SLC44A5: variants seen among roughly 807,000 people sequenced by gnomAD.
SLC44A5 encodes solute carrier family 44 member 5, also known as choline transporter-like protein 5.
In SLC44A5, 57 loss-of-function variants were observed where a neutral mutation model predicts 101.8. The ratio of observed to expected loss-of-function variants is 0.56; its 90% CI spans 0.45 to 0.70. The LOEUF (loss-of-function observed/expected upper bound fraction) is 0.70, where lower values mean the gene tolerates loss of function less well. Among genes scored for constraint, SLC44A5 ranks in the 30% least tolerant of loss-of-function variants. The pLI is 0.00. For missense variants in SLC44A5, 737 were observed against 853.1 expected, an observed-to-expected ratio of 0.86 and a Z score of 1.70; for synonymous variants, 281 against 290.9, an observed-to-expected ratio of 0.97 and a Z score of 0.35.
intron 2 of SLC44A5, among the ~76,000 whole-genome samples, chr1:75,441,192 C>T (rs150033572): frequency 5.9e-5 from 9 of 152,114 alleles, no homozygotes; most frequent in Admixed American, 2.6e-4. Context: ...ACTTTCAAAC[C>T]AGTAGAGCAA....
chr1:75,287,081 T>A (rs1146457), intron 5 of SLC44A5, among the ~76,000 whole-genome samples: 1 of 151,906 alleles, frequency 6.6e-6, no homozygotes, highest in Non-Finnish European at 1.5e-5. Flanking sequence ...CACAAATTAT[T>A]CTTAAATTTG....
chr1:75,259,711 C>T (rs903210879), intron 6 of SLC44A5, among the ~76,000 whole-genome samples: 2 of 151,904 alleles, frequency 1.3e-5, no homozygotes, highest in African/African-American at 4.8e-5. Context: ...GAAGAGCAAC[C>T]ACAAGACACA....
chr1:75,429,710 GA>G (rs1258637056), intron 2 of SLC44A5, among the ~76,000 whole-genome samples: 1 of 152,152 alleles, frequency 6.6e-6, no homozygotes, highest in African/African-American at 2.4e-5. Context: ...TGGCAAGAGA[GA>G]GTGAGAGATC....
chr1:75,579,216 C>T (rs1334682659), intron 1 of SLC44A5, among the ~76,000 whole-genome samples: 1 of 152,156 alleles, frequency 6.6e-6, no homozygotes, highest in African/African-American at 2.4e-5. Context: ...TGGATGACTA[C>T]TGAAGGCATT....
chr1:75,628,921 G>C, the SLC44A5 span, among the ~76,000 whole-genome samples: 1 of 152,080 alleles, frequency 6.6e-6, no homozygotes. Flanking sequence ...ATTTTGCAAG[G>C]GGGGAAAAGT....
intron 1 of SLC44A5, among the ~76,000 whole-genome samples, chr1:75,551,976 T>C (rs1671961706): frequency 6.6e-6 from 1 of 152,184 alleles, no homozygotes; most frequent in Non-Finnish European, 1.5e-5. Context: ...TTCCTTTCTC[T>C]GAAAAATTTC....
the SLC44A5 span, chr1:75,677,855 T>C: frequency 1.1e-5 from 4 of 366,674 alleles, no homozygotes; most frequent in Non-Finnish European, 2.1e-5. Flanking sequence ...AGGTACCGGG[T>C]TCATCTCACT....
At chr1:75,596,048 C>A (rs1016699872) in intron 1 of SLC44A5, among the ~76,000 whole-genome samples, 4 of 152,106 alleles carry the variant, frequency 2.6e-5, no homozygotes, top group Non-Finnish European at 4.4e-5. Context: ...CAGCTAATAT[C>A]AAATCTTCTA....
At chr1:75,235,402 G>A (rs1170234161) in intron 11 of SLC44A5, among the ~76,000 whole-genome samples, 1 of 151,978 alleles carries the variant, frequency 6.6e-6, no homozygotes, top group Admixed American at 6.6e-5. Flanking sequence ...TTTTGGGGGT[G>A]AGGTAGGCAG....
In SLC44A5 at chr1:75,229,866, C is replaced by T. The variant is rs189238344; in HGVS notation, c.854-2009G>A. On this transcript the variant is annotated intron_variant, in intron 12 of 23. Transcript: ENST00000370859. ...AGATGTGGATTTCTCTTCCTTTACT[C>T]TCCTTAGTATAATGAGGGCTTCCTA... is the stretch of plus-strand genomic sequence containing the variant. Among the ~76,000 whole-genome samples the T allele has an allele frequency of 1.2e-3, 185 of 152,278 alleles. 1 individual carries two copies. Among genetic ancestry groups the T allele is most frequent in the Admixed American group, 0.012 (184 of 15,286 alleles).
chr1:75,594,066 T>A, intron 1 of SLC44A5, among the ~76,000 whole-genome samples: 1 of 152,004 alleles, frequency 6.6e-6, no homozygotes, highest in Non-Finnish European at 1.5e-5. Context: ...TGTGCTTATT[T>A]CACATTGCAT....
chr1:75,213,637 G>T, intron 22 of SLC44A5, 68 bp downstream of exon 22: 2 of 1,153,198 alleles, frequency 1.7e-6, no homozygotes, highest in Admixed American at 1.9e-5. Flanking sequence ...AATTTCTGTT[G>T]TTTAAGTCAT....
intron 2 of SLC44A5, among the ~76,000 whole-genome samples, chr1:75,444,483 G>GAAGAAAGAAAGAAATAAAGAAAGAAAGA: frequency 7.1e-6 from 1 of 140,730 alleles, no homozygotes; most frequent in Non-Finnish European, 1.5e-5. Context: ...GAGAAAGAAA[G>GAAGAAAGAAAGAAATAAAGAAAGAAAGA]AAGAAAGAAA....
At chr1:75,271,597 T>A (rs1651484259) in intron 6 of SLC44A5, among the ~76,000 whole-genome samples, 2 of 151,944 alleles carry the variant, frequency 1.3e-5, no homozygotes, top group South Asian at 4.2e-4. Flanking sequence ...TTACTTCACT[T>A]AGAATAATGG....
At chr1:75,279,525 G>A (rs925631612) in intron 5 of SLC44A5, among the ~76,000 whole-genome samples, 4 of 152,126 alleles carry the variant, frequency 2.6e-5, no homozygotes, top group African/African-American at 9.7e-5. Context: ...CATGGAAATT[G>A]TGAAATAAGA....
At chr1:75,262,517 T>C (rs147557562) in intron 6 of SLC44A5, among the ~76,000 whole-genome samples, 4 of 152,318 alleles carry the variant, frequency 2.6e-5, no homozygotes, top group African/African-American at 9.6e-5. Context: ...TTCATGCTTA[T>C]GGATAGGAAG....
intron 1 of SLC44A5, among the ~76,000 whole-genome samples, chr1:75,575,235 G>C (rs1673294514): frequency 6.6e-6 from 1 of 152,094 alleles, no homozygotes; most frequent in South Asian, 2.1e-4. Flanking sequence ...TGTTTCACCA[G>C]ATGCTTCCCC....
rs1469837593 is a variant in SLC44A5, at chr1:75,380,804, T to C, written c.52+15779A>G. Among the ~76,000 whole-genome samples the C allele has an allele frequency of 2.4e-5, 2 of 82,168 alleles. 1 individual carries two copies. The highest frequency in any genetic ancestry group is 4.2e-5 in the Non-Finnish European group (2 of 47,764). 53.9% of individuals were successfully genotyped at this position (82,168 alleles called of 152,430 possible). A position where few individuals can be genotyped will look rare whatever the true frequency, so the allele number is the denominator to read the frequency against. On this transcript the variant is annotated intron_variant, in intron 3 of 23. Coordinates refer to ENST00000370859, the MANE Select transcript of SLC44A5 (RefSeq NM_001130058.2). ...CCAGTCACATGGATGGATAATCCTA[T>C]AGAAGTATATGTTAATGATAGTGAA...
At chr1:75,354,447 G>C (rs927512439) in intron 3 of SLC44A5, among the ~76,000 whole-genome samples, 1 of 152,156 alleles carries the variant, frequency 6.6e-6, no homozygotes, top group African/African-American at 2.4e-5. Context: ...ATCTCAAGCA[G>C]CCATATGTTT....
Sources: allele counts gnomAD v4.1 joint callset (sites outside exome capture counted in the v4.1 genomes callset), GRCh38; gene constraint gnomAD v4.1.1; transcripts MANE v1.5; gene names NCBI Gene and HGNC (gene_info 2026-07-23, HGNC 2026-07-21).